The following TBC1D5 variants were observed in gnomAD, a reference collection of about 807,000 sequenced individuals.
TBC1D5 encodes TBC1 domain family, member 5.
Under a neutral mutation model 100.3 loss-of-function variants are expected in TBC1D5, and 75 were observed. That is an observed-to-expected ratio of 0.75 (90% CI 0.62 to 0.91). The LOEUF (loss-of-function observed/expected upper bound fraction) is 0.91, where lower values mean the gene tolerates loss of function less well. Among genes scored for constraint, TBC1D5 ranks in the 40% least tolerant of loss-of-function variants. The probability of loss-of-function intolerance (pLI) is 0.00; values close to 1 mark genes in which losing one functional copy is unlikely to be tolerated. For missense variants in TBC1D5, 910 were observed against 942.4 expected (o/e 0.97, Z 0.45); for synonymous variants, 323 against 325.6 (o/e 0.99, Z 0.09).
chr3:17,709,377 AGAT>A (rs1176816538), intron 1 of TBC1D5, among the ~76,000 whole-genome samples: 1 of 152,346 alleles, frequency 6.6e-6, no homozygotes, highest in African/African-American at 2.4e-5. Context: ...GATTGAATCA[AGAT>A]GATAGACTAA....
rs995170091 is a variant in TBC1D5, at chr3:17,474,372, C to G, written c.97+34102G>C. Among the ~76,000 whole-genome samples the G allele has an allele frequency of 3.3e-5, 5 of 152,020 alleles. No homozygotes were observed. The East Asian group carries it at 9.6e-4, about 29-fold the overall frequency. ...AAAATGTCCATCATATCTTTGTTTTCCTTTGGGCAAAATGGGAAAATCATA... is the reference window on the plus strand; with the variant it reads ...AAAATGTCCATCATATCTTTGTTTTGCTTTGGGCAAAATGGGAAAATCATA... On this transcript the variant is annotated intron_variant, in intron 3 of 21. Coordinates refer to ENST00000253692, the Ensembl canonical transcript of TBC1D5.
chr3:17,581,690 T>C (rs977015472), intron 2 of TBC1D5, among the ~76,000 whole-genome samples: 2 of 152,228 alleles, frequency 1.3e-5, no homozygotes, highest in African/African-American at 4.8e-5. Context: ...TCTCTGCTTC[T>C]GCCCTCGCTC....
At chr3:17,471,670 C>CA (rs753132440) in intron 3 of TBC1D5, among the ~76,000 whole-genome samples, 3,830 of 21,394 alleles carry the variant, frequency 0.18, 280 homozygotes, top group Non-Finnish European at 0.21. Flanking sequence ...GACTCCGTCT[C>CA]AAAAAAAAAA....
chr3:17,178,985 G>A (rs2125391366), intron 19 of TBC1D5, among the ~76,000 whole-genome samples: 1 of 152,124 alleles, frequency 6.6e-6, no homozygotes, highest in Middle Eastern at 3.4e-3. Flanking sequence ...TGCACAGGCT[G>A]GAGGGCAGTC....
chr3:17,557,970 T>C (rs771956374), intron 2 of TBC1D5, among the ~76,000 whole-genome samples: 6 of 152,170 alleles, frequency 3.9e-5, no homozygotes, highest in Non-Finnish European at 8.8e-5. Context: ...GAAATTTTCA[T>C]GATGCAAAAC....
At chr3:17,391,700 G>A (rs2152326454) in intron 8 of TBC1D5, among the ~76,000 whole-genome samples, 1 of 152,188 alleles carries the variant, frequency 6.6e-6, no homozygotes, top group African/African-American at 2.4e-5. Context: ...TCTGCAAAGA[G>A]GCGCCAGTGA....
intron 13 of TBC1D5, among the ~76,000 whole-genome samples, chr3:17,327,679 G>A (rs762442540): frequency 6.6e-6 from 1 of 152,054 alleles, no homozygotes; most frequent in Non-Finnish European, 1.5e-5. Flanking sequence ...GTACTCCTTA[G>A]ATCCCTTCCC....
chr3:17,572,933 T>C (rs1027901393), intron 2 of TBC1D5, among the ~76,000 whole-genome samples: 4 of 152,250 alleles, frequency 2.6e-5, no homozygotes, highest in East Asian at 3.9e-4. Context: ...AATACACTTA[T>C]TCATCTTTGT....
rs2071361203 is a variant in TBC1D5, at chr3:17,200,719, T to C, written c.1752+13488A>G. Among the ~76,000 whole-genome samples the C allele has an allele frequency of 2.0e-5, 3 of 152,364 alleles. No homozygotes were observed. In the South Asian group the frequency reaches 6.2e-4, roughly 32 times the overall value. On this transcript the variant is annotated intron_variant, in intron 18 of 21. Transcript: ENST00000253692. The stretch of plus-strand genomic sequence containing the variant: ...TATTACCTTCTGGTGATCCATACAT[T>C]CAATGCTTTTTAAATCCTTTGGCTA...
chr3:17,314,542 T>A (rs539469879), intron 13 of TBC1D5, among the ~76,000 whole-genome samples: 2 of 152,224 alleles, frequency 1.3e-5, no homozygotes, highest in African/African-American at 4.8e-5. Context: ...TCAGCTTGAG[T>A]GTATGGTCTC....
intron 8 of TBC1D5, among the ~76,000 whole-genome samples, chr3:17,399,146 T>C (rs772386822): frequency 4.6e-5 from 7 of 152,084 alleles, no homozygotes; most frequent in Non-Finnish European, 1.0e-4. Context: ...GAAGCACTTG[T>C]CTAAAAGGGA....
Position 17,687,127 on chromosome 3 carries a change from C to T in TBC1D5, c.-101+52216G>A, listed in dbSNP as rs925088462. Among the ~76,000 whole-genome samples the T allele has an allele frequency of 3.3e-5, 5 of 152,208 alleles. No homozygotes were observed. In the East Asian group the frequency reaches 5.8e-4, roughly 18 times the overall value. ...CCATTTTTCTCTAAAGCTAAAACTG[C>T]TCAAAAACTATCTTATTTTTTCAAA... On this transcript the variant is annotated intron_variant, in intron 1 of 21. Transcript: ENST00000253692.
At chr3:17,705,442 C>G (rs1363208257) in intron 1 of TBC1D5, among the ~76,000 whole-genome samples, 3 of 148,728 alleles carry the variant, frequency 2.0e-5, no homozygotes, top group Non-Finnish European at 3.0e-5. Flanking sequence ...AGGCTCCTCA[C>G]TTCTCAGACG....
At chr3:17,674,106 G>GA (rs1180146805) in intron 1 of TBC1D5, among the ~76,000 whole-genome samples, 23 of 145,750 alleles carry the variant, frequency 1.6e-4, no homozygotes, top group South Asian at 4.3e-4. Context: ...CTACATATTT[G>GA]AAAAAAAAAA....
At chr3:17,606,086 GATAA>G (rs367552417) in intron 2 of TBC1D5, among the ~76,000 whole-genome samples, 163 of 152,204 alleles carry the variant, frequency 1.1e-3, no homozygotes, top group African/African-American at 3.7e-3. Context: ...CCCTTCTCCT[GATAA>G]AGTCAATCAG....
chr3:17,275,527 A>G (rs1262000649), intron 15 of TBC1D5, among the ~76,000 whole-genome samples: 1 of 152,144 alleles, frequency 6.6e-6, no homozygotes, highest in Non-Finnish European at 1.5e-5. Context: ...GCCACAGAGT[A>G]AGACTCTGTC....
At chr3:17,564,067 C>A (rs1471135537) in intron 2 of TBC1D5, among the ~76,000 whole-genome samples, 2 of 152,244 alleles carry the variant, frequency 1.3e-5, no homozygotes, top group Non-Finnish European at 2.9e-5. Flanking sequence ...CAGGCATGAG[C>A]CACCGTGCCC....
chr3:17,540,632 G>C (rs927088492), intron 2 of TBC1D5, among the ~76,000 whole-genome samples: 1 of 151,980 alleles, frequency 6.6e-6, no homozygotes, highest in Non-Finnish European at 1.5e-5. Flanking sequence ...TGACTGGCTG[G>C]GCACAGTGGC....
At chr3:17,561,914 G>A (rs2096561725) in intron 2 of TBC1D5, 1 of 152,180 alleles carries the variant, frequency 6.6e-6, no homozygotes, top group Non-Finnish European at 1.5e-5. Context: ...AACTGATTAT[G>A]TAAGTCAACT....
Sources: allele counts gnomAD v4.1 joint callset (sites outside exome capture counted in the v4.1 genomes callset), GRCh38; gene constraint gnomAD v4.1.1; transcripts MANE v1.5; gene names NCBI Gene and HGNC (gene_info 2026-07-23, HGNC 2026-07-21).